The following CA10 variants were observed in gnomAD, a reference collection of about 807,000 sequenced individuals.
The protein encoded by CA10 is carbonic anhydrase 10 (inactive), also known as carbonic anhydrase-related protein 10.
A neutral mutation model predicts 44.2 loss-of-function variants in CA10; 14 were observed. The observed-to-expected ratio is 0.32, with a 90% CI of 0.21 to 0.50. The LOEUF is 0.50. CA10 is among the 20% of genes least tolerant of loss of function. The probability of loss-of-function intolerance (pLI) is 0.99; values close to 1 mark genes in which losing one functional copy is unlikely to be tolerated. For synonymous variants in CA10, 159 were observed against 141.6 expected (o/e 1.12, Z -0.87); for missense variants, 350 against 409.7 (o/e 0.85, Z 1.26).
intron 3 of CA10, among the ~76,000 whole-genome samples, chr17:51,811,295 AT>A (rs71149380): frequency 1.3e-5 from 2 of 151,992 alleles, no homozygotes; most frequent in Non-Finnish European, 2.9e-5. Flanking sequence ...TGAGTGGCTG[AT>A]TTTTTTATTA....
chr17:52,038,699 C>T (rs1986684963), intron 2 of CA10, among the ~76,000 whole-genome samples: 2 of 152,206 alleles, frequency 1.3e-5, no homozygotes, highest in East Asian at 1.9e-4. Flanking sequence ...ATTTTGCAGG[C>T]ATTTTGCAAA....
intron 3 of CA10, among the ~76,000 whole-genome samples, chr17:51,796,937 A>C (rs12451860): frequency 0.2 from 30,846 of 152,138 alleles, 3,751 homozygotes; most frequent in Middle Eastern, 0.34. Context: ...GATAATTGTT[A>C]GGGTGACCTC....
At chr17:51,995,370 A>C (rs542979532) in intron 2 of CA10, among the ~76,000 whole-genome samples, 1 of 152,176 alleles carries the variant, frequency 6.6e-6, no homozygotes, top group African/African-American at 2.4e-5. Context: ...AAAATAGGGA[A>C]TAAGATGCTT....
chr17:51,677,891 C>G (rs959335076), intron 4 of CA10, among the ~76,000 whole-genome samples: 1 of 143,260 alleles, frequency 7.0e-6, no homozygotes, highest in Non-Finnish European at 1.6e-5. Context: ...ATACACCCCC[C>G]CCCCCACCGG....
intron 2 of CA10, among the ~76,000 whole-genome samples, chr17:52,034,079 C>A (rs1359304037): frequency 6.6e-6 from 1 of 152,168 alleles, no homozygotes; most frequent in Non-Finnish European, 1.5e-5. Flanking sequence ...ACTTTATCCG[C>A]ACTTGGAATA....
intron 2 of CA10, among the ~76,000 whole-genome samples, chr17:52,057,567 G>A (rs966700606): frequency 6.6e-6 from 1 of 151,928 alleles, no homozygotes; most frequent in Non-Finnish European, 1.5e-5. Flanking sequence ...TTGAGTTTTG[G>A]GGGAGTCAAA....
At chr17:52,012,360 T>C (rs75474345) in intron 2 of CA10, among the ~76,000 whole-genome samples, 125 of 152,114 alleles carry the variant, frequency 8.2e-4, no homozygotes, top group African/African-American at 2.7e-3. Flanking sequence ...AGAATGAATA[T>C]GGATCTGTGA....
chr17:52,157,932 T>A lies in CA10; in HGVS notation c.-146A>T. ...CCACCCGACAGCCGGCCAGGGACAG[T>A]CACCCCCAAGATCAATATCGCAGTT... On this transcript the variant is annotated 5_prime_UTR_variant, in exon 1 of 9. Transcript: ENST00000451037. 1 of 719,324 alleles carries A rather than the reference T, an allele frequency of 1.4e-6. No homozygotes were observed. The highest frequency in any genetic ancestry group is 2.5e-6 in the Non-Finnish European group (1 of 395,458). The allele number at this position is 719,324 out of a possible 1,614,324, so 44.6% of individuals were successfully genotyped here. A position where few individuals can be genotyped will look rare whatever the true frequency, so the allele number is the denominator to read the frequency against.
At chr17:51,826,922 G>A (rs967126541) in intron 3 of CA10, among the ~76,000 whole-genome samples, 1 of 152,086 alleles carries the variant, frequency 6.6e-6, no homozygotes, top group African/African-American at 2.4e-5. Context: ...TTCTCCCTGT[G>A]GTTTCTCTAC....
At chr17:52,118,735 T>G (rs1287463756) in intron 1 of CA10, among the ~76,000 whole-genome samples, 1 of 152,186 alleles carries the variant, frequency 6.6e-6, no homozygotes, top group Non-Finnish European at 1.5e-5. Context: ...ATGATTAAGG[T>G]TGATATTATG....
intron 3 of CA10, among the ~76,000 whole-genome samples, chr17:51,851,575 T>C (rs1031787569): frequency 3.9e-5 from 6 of 152,252 alleles, no homozygotes; most frequent in African/African-American, 1.4e-4. Flanking sequence ...ATTTATGATA[T>C]AATTTTACTA....
At chr17:51,808,004 C>T (rs1256821219) in intron 3 of CA10, among the ~76,000 whole-genome samples, 1 of 152,116 alleles carries the variant, frequency 6.6e-6, no homozygotes, top group African/African-American at 2.4e-5. Flanking sequence ...AGTTATACCT[C>T]AATAGATGTA....
intron 3 of CA10, among the ~76,000 whole-genome samples, chr17:51,910,194 G>C (rs1981732826): frequency 6.6e-6 from 1 of 151,972 alleles, no homozygotes; most frequent in South Asian, 2.1e-4. Flanking sequence ...ATGGTGAGAG[G>C]GCAGCATTAG....
At chr17:52,071,502 CTCTT>C (rs139167656) in intron 2 of CA10, among the ~76,000 whole-genome samples, 2,188 of 152,264 alleles carry the variant, frequency 0.014, 21 homozygotes, top group Middle Eastern at 0.027. Flanking sequence ...TGGGACTCTG[CTCTT>C]TCTATTTGCC....
chr17:51,987,986 A>G lies in CA10; in HGVS notation c.137-56854T>C, dbSNP rs79420655. Among the ~76,000 whole-genome samples, 1,383 of 152,202 alleles carry G rather than the reference A, an allele frequency of 9.1e-3. 98 individuals carry two copies. Among genetic ancestry groups the G allele is most frequent in the Admixed American group, 0.069 (1,056 of 15,240 alleles). ...AAATCTTCTCTGCTTCTTATTCTTC[A>G]ATACTCTAATAGATAAGTTTGTTCA... On this transcript the variant is annotated intron_variant, in intron 2 of 8. Coordinates refer to ENST00000451037, the MANE Select transcript of CA10 (RefSeq NM_020178.5).
At chr17:51,747,318 T>TTA (rs1358664229) in intron 4 of CA10, among the ~76,000 whole-genome samples, 1 of 152,190 alleles carries the variant, frequency 6.6e-6, no homozygotes, top group African/African-American at 2.4e-5. Flanking sequence ...TAAAGATGTA[T>TTA]TATATATATA....
intron 1 of CA10, among the ~76,000 whole-genome samples, chr17:52,151,665 A>C (rs1488206538): frequency 6.6e-6 from 1 of 152,138 alleles, no homozygotes; most frequent in Non-Finnish European, 1.5e-5. Flanking sequence ...AACTGATCCA[A>C]AGTGTCAACA....
chr17:51,718,780 C>A lies in CA10; in HGVS notation c.465+28853G>T, dbSNP rs1050300193. On this transcript the variant is annotated intron_variant, in intron 4 of 8. Coordinates refer to ENST00000451037, the MANE Select transcript of CA10 (RefSeq NM_020178.5). The stretch of plus-strand genomic sequence containing the variant: ...TTGAATTGAATAAGAGAATACCCAG[C>A]TGGTGTCTGCTGCAGAATTGATTGC... 2.6e-5 allele frequency among the ~76,000 whole-genome samples: 4 copies of A among 152,292 alleles called. No individual in the cohort carries two copies. In the East Asian group the frequency reaches 7.7e-4, roughly 29 times the overall value.
At chr17:51,893,570 C>A (rs1980950368) in intron 3 of CA10, among the ~76,000 whole-genome samples, 1 of 152,148 alleles carries the variant, frequency 6.6e-6, no homozygotes. Flanking sequence ...AATTCTCTGA[C>A]CTTCAGACTT....
Sources: gnomAD v4.1 joint callset for allele counts (sites outside exome capture counted in the v4.1 genomes callset) on GRCh38, gnomAD v4.1.1 for gene constraint, MANE v1.5 for transcripts, NCBI Gene and HGNC (gene_info 2026-07-23, HGNC 2026-07-21) for gene names.